The following STK39 variants were observed in gnomAD, a reference collection of about 807,000 sequenced individuals.
The protein encoded by STK39 is STE20/SPS1-related proline-alanine-rich protein kinase.
Under a neutral mutation model 77.8 loss-of-function variants are expected in STK39, and 20 were observed. That is an observed-to-expected ratio of 0.26 (90% confidence interval 0.18 to 0.37). The LOEUF is 0.37. Ranked by LOEUF, STK39 falls within the 10% of genes least tolerant of loss-of-function variation. The pLI, the probability that STK39 is intolerant of heterozygous loss-of-function variation, is 1.00. For synonymous variants in STK39, 246 were observed against 234.1 expected (o/e 1.05, Z -0.47); for missense variants, 479 against 656.5 (o/e 0.73, Z 2.95).
chr2:168,116,490 A>C (rs1412428546), intron 10 of STK39, among the ~76,000 whole-genome samples: 2 of 152,178 alleles, frequency 1.3e-5, no homozygotes, highest in African/African-American at 4.8e-5. Flanking sequence ...ATTTCAAAGT[A>C]AAAAAATATA....
At chr2:168,027,932 A>G (rs1684741833) in intron 14 of STK39, among the ~76,000 whole-genome samples, 1 of 152,238 alleles carries the variant, frequency 6.6e-6, no homozygotes, top group African/African-American at 2.4e-5. Context: ...GGGCTGACAC[A>G]TGAATAAATC....
intron 12 of STK39, among the ~76,000 whole-genome samples, chr2:168,069,427 A>G (rs1685882462): frequency 6.6e-6 from 1 of 152,262 alleles, no homozygotes; most frequent in African/African-American, 2.4e-5. Context: ...TAGATTCTTG[A>G]TAACAAAACT....
rs1325803282 is a variant in STK39, at chr2:168,054,766, G to A, written c.1376+8734C>T. On this transcript the variant is annotated intron_variant, in intron 14 of 17. Transcript: ENST00000355999. ...CCATTACTCTTCTCAAAATTTGGTT[G>A]TTGAAAAAAACAAAAAAAAAAACTC... Among the ~76,000 whole-genome samples the A allele has an allele frequency of 7.4e-5, 6 of 80,898 alleles. No homozygotes were observed. The East Asian group carries it at 1.7e-3, about 23-fold the overall frequency. The allele number at this position is 80,898 out of a possible 152,430, so 53.1% of individuals were successfully genotyped here.
At chr2:168,019,040 T>C (rs919433124) in intron 14 of STK39, among the ~76,000 whole-genome samples, 2 of 151,564 alleles carry the variant, frequency 1.3e-5, no homozygotes, top group East Asian at 1.9e-4. Flanking sequence ...CCTTGGACCT[T>C]GAACTTTGTA....
At chr2:168,110,588 A>C (rs1687095342) in intron 10 of STK39, among the ~76,000 whole-genome samples, 1 of 152,126 alleles carries the variant, frequency 6.6e-6, no homozygotes, top group Non-Finnish European at 1.5e-5. Context: ...ACTATTACTT[A>C]ACAGAATAGT....
At chr2:168,122,104 G>A (rs572575881) in intron 10 of STK39, among the ~76,000 whole-genome samples, 11 of 152,124 alleles carry the variant, frequency 7.2e-5, no homozygotes, top group Non-Finnish European at 1.3e-4. Context: ...GTGTTGTGGC[G>A]GTTTGGTGTA....
chr2:168,085,612 G>A (rs1160929430), intron 10 of STK39, among the ~76,000 whole-genome samples: 1 of 152,186 alleles, frequency 6.6e-6, no homozygotes, highest in Non-Finnish European at 1.5e-5. Flanking sequence ...GAAACTTTTG[G>A]AGAGTCTTAA....
At chr2:168,162,940 T>C (rs921639219) in intron 4 of STK39, among the ~76,000 whole-genome samples, 1 of 151,748 alleles carries the variant, frequency 6.6e-6, no homozygotes, top group Admixed American at 6.6e-5. Context: ...GACAGGAGAA[T>C]TGCTTGAACT....
chr2:168,235,039 ATTT>A (rs556244576), intron 1 of STK39, among the ~76,000 whole-genome samples: 3 of 141,042 alleles, frequency 2.1e-5, no homozygotes, highest in Non-Finnish European at 4.6e-5. Flanking sequence ...TGAGTCAATA[ATTT>A]TTTTTTTTTT....
chr2:167,979,451 G>T (rs928404196), intron 16 of STK39, among the ~76,000 whole-genome samples: 1 of 152,088 alleles, frequency 6.6e-6, no homozygotes, highest in Non-Finnish European at 1.5e-5. Flanking sequence ...GCGCATATTT[G>T]GTGAAGTCTT....
At chr2:168,104,585 G>A (rs1205938046) in intron 10 of STK39, among the ~76,000 whole-genome samples, 1 of 152,158 alleles carries the variant, frequency 6.6e-6, no homozygotes, top group Non-Finnish European at 1.5e-5. Context: ...AGAATGGAAT[G>A]GAACGAAAGA....
intron 3 of STK39, 74 bp downstream of exon 3, chr2:168,167,225 T>C (rs1368214954): frequency 2.1e-5 from 26 of 1,253,026 alleles, no homozygotes; most frequent in Non-Finnish European, 2.9e-5. Context: ...CAATCTAAAG[T>C]CTTCTCCAAT....
intron 14 of STK39, among the ~76,000 whole-genome samples, chr2:168,050,215 T>G (rs1222793849): frequency 6.6e-6 from 1 of 152,180 alleles, no homozygotes; most frequent in Non-Finnish European, 1.5e-5. Context: ...AGCCTGAATG[T>G]TAGGAATGTG....
intron 5 of STK39, among the ~76,000 whole-genome samples, chr2:168,157,272 G>A (rs1250856176): frequency 6.6e-6 from 1 of 152,186 alleles, no homozygotes; most frequent in African/African-American, 2.4e-5. Flanking sequence ...GAAAAACCCA[G>A]GGCATAAGCT....
chr2:168,225,977 T>C (rs1164193610), intron 1 of STK39, among the ~76,000 whole-genome samples: 4 of 152,172 alleles, frequency 2.6e-5, no homozygotes, highest in Middle Eastern at 3.2e-3. Context: ...AATCCAGCAA[T>C]TAGCAGCCAT....
chr2:168,063,578 A>G lies in STK39; in HGVS notation c.1306-8T>C. ...ATTAGCATTGGGTGGGCCCTTTAAA[A>G]AGAAAACAGCAAACAGTGTTATAAA... On this transcript the variant is annotated splice_region_variant and splice_polypyrimidine_tract_variant and intron_variant, in intron 13 of 17. Transcript: ENST00000355999. 6.2e-7 allele frequency: 1 copy of G among 1,608,796 alleles called. No homozygotes were observed.
chr2:167,969,413 C>G (rs1559038124), intron 16 of STK39, among the ~76,000 whole-genome samples: 1 of 152,170 alleles, frequency 6.6e-6, no homozygotes, highest in Non-Finnish European at 1.5e-5. Flanking sequence ...CAGTGAGACC[C>G]TCCATGGTCT....
At chr2:168,052,226 G>C (rs1157792586) in intron 14 of STK39, among the ~76,000 whole-genome samples, 1 of 152,130 alleles carries the variant, frequency 6.6e-6, no homozygotes, top group Non-Finnish European at 1.5e-5. Flanking sequence ...CTCTGACAGA[G>C]AACCTGCCTT....
At chr2:167,993,691 T>C (rs1683760803) in intron 16 of STK39, among the ~76,000 whole-genome samples, 1 of 152,176 alleles carries the variant, frequency 6.6e-6, no homozygotes, top group South Asian at 2.1e-4. Flanking sequence ...GTTTAAACCA[T>C]TTTGAACAGA....
Sources: allele counts gnomAD v4.1 joint callset (sites outside exome capture counted in the v4.1 genomes callset), GRCh38; gene constraint gnomAD v4.1.1; transcripts MANE v1.5; gene names NCBI Gene and HGNC (gene_info 2026-07-23, HGNC 2026-07-21).